COL28A1: variants seen among roughly 807,000 people sequenced by gnomAD.
The protein encoded by COL28A1 is collagen alpha-1(XXVIII) chain.
A neutral mutation model predicts 150.2 loss-of-function variants in COL28A1; 161 were observed. That is an observed-to-expected ratio of 1.07 (90% CI 0.94 to 1.22). The LOEUF is 1.22. COL28A1 is among the 50% of genes most tolerant of loss of function. COL28A1 has a pLI of 0.00. For missense variants in COL28A1, 1,617 were observed against 1,388.3 expected (o/e 1.16, Z -2.62); for synonymous variants, 552 against 469.7 (o/e 1.18, Z -2.26).
chr7:7,380,725 T>C (rs1343641769), intron 29 of COL28A1, 30 bp from the exon 30 acceptor site: 2 of 1,613,416 alleles, frequency 1.2e-6, no homozygotes, highest in Admixed American at 1.7e-5. Context: ...TAAAAGTCAA[T>C]ATAGGTTGGA....
At chr7:7,534,354 C>A (rs993921558) in intron 1 of COL28A1, among the ~76,000 whole-genome samples, 3 of 152,174 alleles carry the variant, frequency 2.0e-5, no homozygotes, top group Non-Finnish European at 4.4e-5. Context: ...GCCATCTCTC[C>A]TCAAGTTGTC....
At chr7:7,436,138 C>A (rs1785324592) in intron 23 of COL28A1, among the ~76,000 whole-genome samples, 2 of 152,160 alleles carry the variant, frequency 1.3e-5, no homozygotes, top group South Asian at 4.1e-4. Flanking sequence ...TGCCTTGTAT[C>A]ACTGACAGTG....
chr7:7,536,914 A>G (rs1039526053), upstream of COL28A1, among the ~76,000 whole-genome samples: 1 of 152,168 alleles, frequency 6.6e-6, no homozygotes, highest in Non-Finnish European at 1.5e-5. Flanking sequence ...TGTCCTCTGT[A>G]GGTTCTGGAA....
Position 7,440,837 on chromosome 7 carries a change from T to C in COL28A1, c.1675A>G (p.Lys559Glu). The change falls in exon 21 of 35, where the codon AAA becomes GAA. Residue 559 changes from lysine to glutamate, a missense_variant. Coordinates refer to ENST00000399429, the MANE Select transcript of COL28A1 (RefSeq NM_001037763.3). ...AGTCCCCTCTGTCCTTGATTTCCTT[T>C]GCTCCCTTTCTTGCCTTCGTCACCC... Reference protein sequence around the residue: ...PKGDEGKKGSKGNQGQRGLPG... With the variant: ...PKGDEGKKGSEGNQGQRGLPG... 6.4e-7 allele frequency: 1 copy of C among 1,556,674 alleles called. No homozygotes were observed. Among genetic ancestry groups the C allele is most frequent in the Non-Finnish European group, 8.9e-7 (1 of 1,128,236 alleles).
At chr7:7,460,131 G>A (rs1787490381) in intron 15 of COL28A1, among the ~76,000 whole-genome samples, 1 of 152,136 alleles carries the variant, frequency 6.6e-6, no homozygotes, top group Non-Finnish European at 1.5e-5. Context: ...TAACACAAGT[G>A]CAAATCCTAT....
At chr7:7,353,340 T>C (rs899637456), downstream of COL28A1, among the ~76,000 whole-genome samples, 2 of 152,220 alleles carry the variant, frequency 1.3e-5, no homozygotes, top group African/African-American at 2.4e-5. Context: ...TCTCTTTTTC[T>C]CTTCAGACCT....
intron 26 of COL28A1, among the ~76,000 whole-genome samples, chr7:7,418,497 A>T (rs1333723700): frequency 6.6e-6 from 1 of 152,210 alleles, no homozygotes; most frequent in Non-Finnish European, 1.5e-5. Context: ...AGATTGGAAA[A>T]TAGCATGCGC....
Position 7,374,651 on chromosome 7 carries a change from G to C in COL28A1, c.2359+810C>G, listed in dbSNP as rs577142439. ...GTTTCTTTATTCATATCTTCCTGTTGTTCAACAAGCCTGCCACAGAAAACC... is the reference window on the plus strand; with the variant it reads ...GTTTCTTTATTCATATCTTCCTGTTCTTCAACAAGCCTGCCACAGAAAACC... On this transcript the variant is annotated intron_variant, in intron 31 of 34. Transcript: ENST00000399429. Among the ~76,000 whole-genome samples, 27 of 152,224 alleles carry C rather than the reference G, an allele frequency of 1.8e-4. No individual in the cohort carries two copies. The South Asian group carries it at 4.6e-3, about 26-fold the overall frequency.
In COL28A1 at chr7:7,374,036, A is replaced by ATATATATATAT. The variant is rs1281053510; in HGVS notation, c.2360-491_2360-490insATATATATATA. 6.4e-5 allele frequency among the ~76,000 whole-genome samples: 5 copies of ATATATATATAT among 77,844 alleles called. No individual in the cohort carries two copies. In the East Asian group the frequency reaches 1.4e-3, roughly 21 times the overall value. The allele number at this position is 77,844 out of a possible 152,430, so 51.1% of individuals were successfully genotyped here. On this transcript the variant is annotated intron_variant, in intron 31 of 34. Coordinates refer to ENST00000399429, the MANE Select transcript of COL28A1 (RefSeq NM_001037763.3). ...TATACTTGACTCTTAAAAAAAAAAA[A>ATATATATATAT]AAATATATATATATATATATATATA...
At chr7:7,406,661 A>G (rs1783508450) in intron 27 of COL28A1, among the ~76,000 whole-genome samples, 1 of 152,136 alleles carries the variant, frequency 6.6e-6, no homozygotes, top group East Asian at 1.9e-4. Flanking sequence ...TACTGTCATA[A>G]AGAGAAGGAA....
intron 15 of COL28A1, among the ~76,000 whole-genome samples, chr7:7,464,371 C>T (rs748722902): frequency 1.3e-5 from 2 of 152,196 alleles, no homozygotes; most frequent in Non-Finnish European, 2.9e-5. Flanking sequence ...TTCTATTCAA[C>T]AGTGCATGGT....
In COL28A1 at chr7:7,440,804, G is replaced by T; in HGVS notation, c.1708C>A (p.Pro570Thr). Residue 570 changes from proline to threonine, a missense_variant, in exon 21 of 35, where the codon CCC becomes ACC. Transcript: ENST00000399429. ...AAGAAACATACCTTTGGTCCTTCGG[G>T]CCCTGGAAGTCCCCTCTGTCCTTGA... ...GNQGQRGLPG[P>T]EGPKGEPGIM... is the part of the protein sequence containing the mutation. The T allele has an allele frequency of 6.7e-7, 1 of 1,489,650 alleles. No individual in the cohort carries two copies. The highest frequency in any genetic ancestry group is 9.4e-7 in the Non-Finnish European group (1 of 1,068,120). The allele number at this position is 1,489,650 out of a possible 1,614,324, so 92.3% of individuals were successfully genotyped here.
intron 21 of COL28A1, among the ~76,000 whole-genome samples, chr7:7,438,106 G>A (rs562365930): frequency 6.6e-6 from 1 of 151,922 alleles, no homozygotes; most frequent in African/African-American, 2.4e-5. Flanking sequence ...GCCAAAATTA[G>A]CCAGACATGG....
At chr7:7,362,017 A>G (rs1048753228) in intron 33 of COL28A1, among the ~76,000 whole-genome samples, 8 of 152,004 alleles carry the variant, frequency 5.3e-5, no homozygotes, top group Admixed American at 2.0e-4. Flanking sequence ...ACATCACACA[A>G]TGGGGCCTGT....
chr7:7,377,805 C>T (rs1032227615), intron 30 of COL28A1, among the ~76,000 whole-genome samples: 15 of 43,494 alleles, frequency 3.4e-4, no homozygotes, highest in African/African-American at 1.5e-3. Flanking sequence ...CAATAATTCA[C>T]GCAAAAAAAA....
intron 9 of COL28A1, among the ~76,000 whole-genome samples, chr7:7,508,259 CA>C (rs1484281005): frequency 3.3e-5 from 5 of 151,750 alleles, no homozygotes; most frequent in African/African-American, 1.2e-4. Flanking sequence ...TTCCTTTTTC[CA>C]TGTCATTAAA....
chr7:7,366,958 T>C (rs1469038903), intron 33 of COL28A1, among the ~76,000 whole-genome samples: 1 of 152,246 alleles, frequency 6.6e-6, no homozygotes, highest in Non-Finnish European at 1.5e-5. Flanking sequence ...TGTATGTATA[T>C]ACTATGTGTG....
chr7:7,424,375 C>T (rs1345476455), intron 25 of COL28A1, among the ~76,000 whole-genome samples: 1 of 152,114 alleles, frequency 6.6e-6, no homozygotes, highest in South Asian at 2.1e-4. Flanking sequence ...AAGAGAATTG[C>T]GGACAGGTCT....
At chr7:7,434,919 G>T (rs1223967423) in intron 23 of COL28A1, among the ~76,000 whole-genome samples, 1 of 152,082 alleles carries the variant, frequency 6.6e-6, no homozygotes, top group Non-Finnish European at 1.5e-5. Flanking sequence ...AGCTTTAGGG[G>T]GCATCTGGGA....
Sources: gnomAD v4.1 joint callset for allele counts (sites outside exome capture counted in the v4.1 genomes callset) on GRCh38, gnomAD v4.1.1 for gene constraint, MANE v1.5 for transcripts, NCBI Gene and HGNC (gene_info 2026-07-23, HGNC 2026-07-21) for gene names.